The following PRELID2 variants were observed in gnomAD, a reference collection of about 807,000 sequenced individuals.
PRELID2 encodes the protein PRELI domain containing 2.
Under a neutral mutation model 28.4 loss-of-function variants are expected in PRELID2, and 25 were observed. The ratio of observed to expected loss-of-function variants is 0.88; its 90% CI spans 0.64 to 1.23. The LOEUF is 1.23. PRELID2 is among the 50% of genes most tolerant of loss of function. The probability of loss-of-function intolerance (pLI) is 0.00; values close to 1 mark genes in which losing one functional copy is unlikely to be tolerated. For synonymous variants in PRELID2, 76 were observed against 71.6 expected (o/e 1.06, Z -0.31); for missense variants, 201 against 214.4 (o/e 0.94, Z 0.39).
At chr5:145,661,408 G>A (rs577441519) in intron 1 of PRELID2, among the ~76,000 whole-genome samples, 54 of 152,188 alleles carry the variant, frequency 3.5e-4, no homozygotes, top group African/African-American at 1.3e-3. Flanking sequence ...TAGAACAGAT[G>A]TGACTTTACC....
chr5:145,719,237 G>A (rs533328325), intron 1 of PRELID2, among the ~76,000 whole-genome samples: 142 of 152,004 alleles, frequency 9.3e-4, no homozygotes, highest in Non-Finnish European at 1.5e-3. Context: ...GCATGTCTAA[G>A]ATTAAATTAA....
chr5:145,807,142 T>G (rs571174753), intron 4 of PRELID2, among the ~76,000 whole-genome samples: 1 of 152,302 alleles, frequency 6.6e-6, no homozygotes, highest in South Asian at 2.1e-4. Context: ...GATATTAAGA[T>G]GACTATGACG....
intron 1 of PRELID2, among the ~76,000 whole-genome samples, chr5:145,681,089 C>A (rs1044760751): frequency 6.6e-6 from 1 of 152,170 alleles, no homozygotes; most frequent in Admixed American, 6.5e-5. Context: ...CACTCCGGTA[C>A]TGGAAAAAAG....
the PRELID2 span, among the ~76,000 whole-genome samples, chr5:145,361,721 A>G: frequency 2.6e-5 from 4 of 152,154 alleles, no homozygotes; most frequent in African/African-American, 9.7e-5. Context: ...AAGGCTCCTC[A>G]TGATCTGGCC....
chr5:145,513,156 T>C (rs1229768466), intron 1 of PRELID2, among the ~76,000 whole-genome samples: 2 of 151,712 alleles, frequency 1.3e-5, no homozygotes, highest in Non-Finnish European at 2.9e-5. Context: ...TTGATAGAAG[T>C]AGGCTTCAGA....
At chr5:145,720,654 A>C (rs1010354712) in intron 1 of PRELID2, among the ~76,000 whole-genome samples, 1 of 152,098 alleles carries the variant, frequency 6.6e-6, no homozygotes. Context: ...TCACTGTGAA[A>C]ATTTAGGTAA....
the PRELID2 span, among the ~76,000 whole-genome samples, chr5:145,253,829 T>TA: frequency 4.7e-5 from 7 of 148,862 alleles, no homozygotes; most frequent in African/African-American, 1.3e-4. Flanking sequence ...GAGTGAGATC[T>TA]AAAAAAAACA....
the PRELID2 span, among the ~76,000 whole-genome samples, chr5:145,296,671 T>G: frequency 6.6e-6 from 1 of 152,176 alleles, no homozygotes; most frequent in Non-Finnish European, 1.5e-5. Flanking sequence ...TGTGTCTATA[T>G]AGCAGCATGA....
At chr5:145,345,286 C>T in the PRELID2 span, among the ~76,000 whole-genome samples, 3 of 151,920 alleles carry the variant, frequency 2.0e-5, no homozygotes, top group Non-Finnish European at 4.4e-5. Context: ...TCTCTTCAAG[C>T]TCAAGAAAGT....
chr5:145,783,272 C>T (rs1025017606), intron 5 of PRELID2, among the ~76,000 whole-genome samples: 3 of 152,192 alleles, frequency 2.0e-5, no homozygotes, highest in Admixed American at 6.5e-5. Flanking sequence ...AATGAGCCAT[C>T]AAGGGATTGT....
the PRELID2 span, among the ~76,000 whole-genome samples, chr5:145,268,178 C>T: frequency 1.3e-5 from 2 of 152,070 alleles, no homozygotes; most frequent in Admixed American, 6.6e-5. Context: ...CTTTGGTTGC[C>T]TGTACTTGTA....
chr5:145,653,610 C>A (rs1170295456), intron 1 of PRELID2, among the ~76,000 whole-genome samples: 2 of 152,232 alleles, frequency 1.3e-5, no homozygotes, highest in East Asian at 1.9e-4. Flanking sequence ...CAAAACCACT[C>A]AACTACGTGA....
chr5:145,732,183 G>C (rs533985038), intron 1 of PRELID2, among the ~76,000 whole-genome samples: 1 of 152,270 alleles, frequency 6.6e-6, no homozygotes, highest in African/African-American at 2.4e-5. Flanking sequence ...CAACTGATTA[G>C]GAACACATTT....
chr5:145,729,717 T>C (rs1403421100), intron 1 of PRELID2, among the ~76,000 whole-genome samples: 1 of 152,198 alleles, frequency 6.6e-6, no homozygotes, highest in African/African-American at 2.4e-5. Context: ...CACCGGGGTC[T>C]TTCTTGCCCC....
In PRELID2 at chr5:145,515,307, T is replaced by C. The variant is rs1308638436; in HGVS notation, n.71-41992A>G. Among the ~76,000 whole-genome samples, 5 of 152,106 alleles carry C rather than the reference T, an allele frequency of 3.3e-5. No homozygotes were observed. In the East Asian group the frequency reaches 7.7e-4, roughly 23 times the overall value. On this transcript the variant is annotated intron_variant and non_coding_transcript_variant, in intron 1 of 2. Transcript: ENST00000510259. ...ATCAAATAGACACAATAAAAAATGA[T>C]ATAGGGGATATCACCACTGATCCCA...
intron 1 of PRELID2, among the ~76,000 whole-genome samples, chr5:145,695,535 T>C (rs568159447): frequency 3.8e-4 from 58 of 152,340 alleles, no homozygotes; most frequent in Middle Eastern, 6.8e-3. Flanking sequence ...CTTCCTTGAG[T>C]TGTCCCATGA....
chr5:145,412,355 C>T, the PRELID2 span, among the ~76,000 whole-genome samples: 4 of 152,154 alleles, frequency 2.6e-5, no homozygotes, highest in Non-Finnish European at 2.9e-5. Context: ...TCCACAGATC[C>T]ACAGATCTCT....
intron 1 of PRELID2, among the ~76,000 whole-genome samples, chr5:145,514,334 G>A (rs1445992213): frequency 1.1e-3 from 117 of 102,372 alleles, no homozygotes; most frequent in Middle Eastern, 5.3e-3. Flanking sequence ...AAAAAAAAAA[G>A]CATGGGTTGC....
At chr5:145,333,858 C>T in the PRELID2 span, among the ~76,000 whole-genome samples, 4 of 150,846 alleles carry the variant, frequency 2.7e-5, no homozygotes, top group Admixed American at 6.6e-5. Context: ...AGCTCAGTGT[C>T]TGCCCAAACG....
Sources: allele counts gnomAD v4.1 joint callset (sites outside exome capture counted in the v4.1 genomes callset), GRCh38; gene constraint gnomAD v4.1.1; transcripts MANE v1.5; gene names NCBI Gene and HGNC (gene_info 2026-07-23, HGNC 2026-07-21).